Variants in TAPBPL observed in about 807,000 individuals in gnomAD.
The protein encoded by TAPBPL is TAP binding protein like, also known as tapasin-related protein.
In TAPBPL, 32 loss-of-function variants were observed where a neutral mutation model predicts 44.8. That is an observed-to-expected ratio of 0.71 (90% CI 0.54 to 0.96). The LOEUF is 0.96. Ranked by LOEUF, TAPBPL falls within the 40% of genes least tolerant of loss-of-function variation. The probability of loss-of-function intolerance (pLI) is 0.00; values close to 1 mark genes in which losing one functional copy is unlikely to be tolerated. For missense variants in TAPBPL, 520 were observed against 586.6 expected, an observed-to-expected ratio of 0.89 and a Z score of 1.17; for synonymous variants, 230 against 240.7, an observed-to-expected ratio of 0.96 and a Z score of 0.41.
At chr12:6,460,829 C>G in intron 5 of TAPBPL, 26 bp from the exon 6 acceptor site, 1 of 1,612,328 alleles carries the variant, frequency 6.2e-7, no homozygotes, top group Non-Finnish European at 8.5e-7. Flanking sequence ...CACGATGATC[C>G]CCGCCCACGT....
upstream of TAPBPL, chr12:6,451,751 C>A: frequency 3.6e-6 from 1 of 274,158 alleles, no homozygotes. Flanking sequence ...ATCCCAGTCC[C>A]AAAATCCAGT....
chr12:6,462,227 A>C lies in TAPBPL; in HGVS notation c.*78A>C. The C allele has an allele frequency of 1.5e-5, 18 of 1,233,870 alleles. No individual in the cohort carries two copies. The highest frequency in any genetic ancestry group is 2.6e-5 in the East Asian group (1 of 38,720). 76.4% of individuals were successfully genotyped at this position (1,233,870 alleles called of 1,614,324 possible). On this transcript the variant is annotated 3_prime_UTR_variant, in exon 7 of 7. Coordinates refer to ENST00000266556, the MANE Select transcript of TAPBPL (RefSeq NM_018009.5). ...CACAGCTACTCCAACCCAAACAACA[A>C]CCAAGCCAGTTTAATGGTAGGAATT...
downstream of TAPBPL, among the ~76,000 whole-genome samples, chr12:6,471,172 G>A (rs1304669075): frequency 6.6e-6 from 1 of 152,206 alleles, no homozygotes; most frequent in Non-Finnish European, 1.5e-5. The surrounding 1 kb of genome is among the most constrained non-coding windows in gnomAD (Gnocchi z 4.0). Context: ...GAGGGTGCAG[G>A]AGCCTCGAGA....
rs1379535241 is a variant in TAPBPL at position 6,453,883 on chromosome 12, C to T, written c.565+167C>T. The stretch of plus-strand genomic sequence containing the variant: ...TACCAAAATTAGCCGGGCATGGTGG[C>T]GGGTGCCTGTAATCCCAGCTACGAG... On this transcript the variant is annotated intron_variant, in intron 3 of 6. Coordinates refer to ENST00000266556, the MANE Select transcript of TAPBPL (RefSeq NM_018009.5). The surrounding 1 kb of genome is among the most constrained non-coding windows in gnomAD (Gnocchi z 4.8). Among the ~76,000 whole-genome samples the T allele has an allele frequency of 1.3e-5, 2 of 151,624 alleles. No homozygotes were observed. Among genetic ancestry groups the T allele is most frequent in the East Asian group, 2.0e-4 (1 of 5,124 alleles).
downstream of TAPBPL, chr12:6,464,173 T>TCC (rs749431146): frequency 1.2e-4 from 180 of 1,444,910 alleles, no homozygotes; most frequent in Non-Finnish European, 1.6e-4. Flanking sequence ...CCCTGCCCCT[T>TCC]CCCTTGGCCT....
chr12:6,465,742 C>A, downstream of TAPBPL: 1 of 1,472,988 alleles, frequency 6.8e-7, no homozygotes, highest in Non-Finnish European at 9.2e-7. Context: ...TCAGAGAGAT[C>A]CTGCACCATT....
At chr12:6,464,129 A>T, downstream of TAPBPL, 1 of 1,361,034 alleles carries the variant, frequency 7.3e-7, no homozygotes, top group South Asian at 1.2e-5. Context: ...AAGTCTGGGC[A>T]GCTTCATGGG....
At chr12:6,464,413 A>G, downstream of TAPBPL, 1 of 1,559,724 alleles carries the variant, frequency 6.4e-7, no homozygotes. Context: ...GAGCAAACAG[A>G]GGGCAGAGGA....
intron 5 of TAPBPL, among the ~76,000 whole-genome samples, chr12:6,460,352 GC>G (rs1949819179): frequency 6.6e-6 from 1 of 152,066 alleles, no homozygotes; most frequent in Non-Finnish European, 1.5e-5. Flanking sequence ...TGCAAACTCT[GC>G]CTCCCAGGCT....
chr12:6,464,428 A>T (rs750087343), downstream of TAPBPL: 84 of 1,564,218 alleles, frequency 5.4e-5, no homozygotes, highest in Non-Finnish European at 7.2e-5. Context: ...AGAGGACATG[A>T]ATGTGGATGG....
chr12:6,462,946 G>A, downstream of TAPBPL: 1 of 1,554,610 alleles, frequency 6.4e-7, no homozygotes, highest in Non-Finnish European at 8.7e-7. Flanking sequence ...TCCAGACCCT[G>A]CCCAGCATGG....
At chr12:6,466,741 T>C (rs992461486), downstream of TAPBPL, 1 of 181,360 alleles carries the variant, frequency 5.5e-6, no homozygotes, top group African/African-American at 2.4e-5. Flanking sequence ...CATCTGGGGC[T>C]ATCCTTTGAC....
downstream of TAPBPL, chr12:6,466,702 G>C (rs1247811259): frequency 4.8e-6 from 1 of 209,734 alleles, no homozygotes; most frequent in Non-Finnish European, 9.6e-6. Context: ...ATGGGGTTCA[G>C]GGACATCCAG....
At position 6,452,221 on chromosome 12, in the gene TAPBPL, G is replaced by C; in HGVS notation, c.-28G>C. The C allele has an allele frequency of 6.4e-7, 1 of 1,562,528 alleles. No individual in the cohort carries two copies. The highest frequency in any genetic ancestry group is 8.7e-7 in the Non-Finnish European group (1 of 1,153,234). ...GTAGGACTGTGGAGAAGGGCGGTGG[G>C]CAAGGAGGGAACTCGAGAGCAGCCT... On this transcript the variant is annotated 5_prime_UTR_variant, in exon 1 of 7. Coordinates refer to ENST00000266556, the MANE Select transcript of TAPBPL (RefSeq NM_018009.5).
chr12:6,465,922 C>T, downstream of TAPBPL: 3 of 1,614,258 alleles, frequency 1.9e-6, no homozygotes, highest in Non-Finnish European at 2.5e-6. Flanking sequence ...TGCAAGGCAT[C>T]AGCTCGGTCA....
intron 6 of TAPBPL, among the ~76,000 whole-genome samples, 197 bp from the exon 7 acceptor site, chr12:6,461,837 G>GT (rs1949872118): frequency 6.6e-6 from 1 of 152,200 alleles, no homozygotes; most frequent in Admixed American, 6.5e-5. Flanking sequence ...AAAACTGTAC[G>GT]TGAGGATGAT....
chr12:6,466,621 G>C, downstream of TAPBPL: 1 of 280,418 alleles, frequency 3.6e-6, no homozygotes, highest in Non-Finnish European at 6.7e-6. Context: ...TTGCTCCTTG[G>C]CAATCTGAAG....
In TAPBPL at chr12:6,460,934, G is replaced by T. The variant is rs1397404084; in HGVS notation, c.1287G>T (p.Arg429=). The T allele has an allele frequency of 1.1e-5, 18 of 1,614,040 alleles. No homozygotes were observed. Among genetic ancestry groups the T allele is most frequent in the Non-Finnish European group, 1.4e-5 (17 of 1,179,982 alleles). Residue 429 remains arginine (R), a synonymous_variant, in exon 6 of 7, where the codon CGG becomes CGT. Transcript: ENST00000266556. ...TGATGTTCCTGGGGCTTCAGAGACG[G>T]CAAGGTAAGAGCCTGGGTGCCCTTG... ...LALMFLGLQR[R]QAPTGLGLLQ...
rs779287462 is a variant in TAPBPL, at chr12:6,453,606, G to C, written c.455G>C (p.Gly152Ala). ...FMANMQVSGG[G>A]PSISLVMKTP... ...GCCAACATGCAGGTCTCTGGAGGGG[G>C]ACCTAGCATCTCCTTGGTGATGAAG... The change falls in exon 3 of 7, where the codon GGA (glycine) becomes GCA (alanine). Residue 152 changes from glycine (G) to alanine (A), a missense_variant. Coordinates refer to ENST00000266556, the MANE Select transcript of TAPBPL (RefSeq NM_018009.5). The surrounding 1 kb of genome is among the most constrained non-coding windows in gnomAD (Gnocchi z 4.8). 3 of 1,614,168 alleles carry C rather than the reference G, an allele frequency of 1.9e-6. No individual in the cohort carries two copies. The highest frequency in any genetic ancestry group is 2.5e-6 in the Non-Finnish European group (3 of 1,180,030).
Sources: allele counts gnomAD v4.1 joint callset (sites outside exome capture counted in the v4.1 genomes callset), GRCh38; gene constraint gnomAD v4.1.1; non-coding constraint Gnocchi (gnomAD v3.1); transcripts MANE v1.5; gene names NCBI Gene and HGNC (gene_info 2026-07-23, HGNC 2026-07-21).